The following CPNE4 variants were observed in gnomAD, a reference collection of about 807,000 sequenced individuals.
The protein encoded by CPNE4 is copine-4.
In CPNE4, 25 loss-of-function variants were observed where a neutral mutation model predicts 67.9. That is an observed-to-expected ratio of 0.37 (90% CI 0.27 to 0.51). The LOEUF (loss-of-function observed/expected upper bound fraction) is 0.51. Among genes scored for constraint, CPNE4 ranks in the 20% least tolerant of loss-of-function variants. The pLI is 0.93. For missense variants in CPNE4, 464 were observed against 690.8 expected (o/e 0.67, Z 3.68); for synonymous variants, 242 against 244.9 (o/e 0.99, Z 0.11).
intron 2 of CPNE4, among the ~76,000 whole-genome samples, chr3:131,730,370 GATAAA>G (rs1209421743): frequency 1.3e-5 from 2 of 152,098 alleles, no homozygotes; most frequent in Admixed American, 6.6e-5. Context: ...CTTTGCAAAT[GATAAA>G]ATAAAACTGT....
intron 7 of CPNE4, among the ~76,000 whole-genome samples, chr3:131,605,748 A>G (rs1039339706): frequency 3.3e-5 from 5 of 152,152 alleles, no homozygotes; most frequent in African/African-American, 7.2e-5. Context: ...ATAAGTCTCA[A>G]TATCTATGTA....
chr3:131,818,695 A>T (rs2084842126), intron 2 of CPNE4, among the ~76,000 whole-genome samples: 1 of 152,226 alleles, frequency 6.6e-6, no homozygotes, highest in Non-Finnish European at 1.5e-5. Flanking sequence ...TTTTGTTTAA[A>T]ACCTGATTGA....
chr3:131,693,284 C>A (rs1478593437), intron 5 of CPNE4, among the ~76,000 whole-genome samples: 1 of 151,984 alleles, frequency 6.6e-6, no homozygotes, highest in African/African-American at 2.4e-5. Context: ...TTGGGGATAC[C>A]AAAGAGCTTT....
intron 2 of CPNE4, among the ~76,000 whole-genome samples, chr3:131,807,270 G>A (rs530618215): frequency 7.9e-5 from 12 of 152,256 alleles, no homozygotes; most frequent in Admixed American, 3.3e-4. Flanking sequence ...AAAGTCACAC[G>A]TGCCTTTGTT....
At chr3:131,696,767 G>A in intron 4 of CPNE4, 151 bp from the exon 5 acceptor site, 1 of 659,480 alleles carries the variant, frequency 1.5e-6, no homozygotes. Context: ...CTACAGCACA[G>A]CAATTCTAGG....
intron 3 of CPNE4, among the ~76,000 whole-genome samples, chr3:131,701,668 T>A (rs906257347): frequency 3.9e-5 from 6 of 152,160 alleles, no homozygotes; most frequent in Admixed American, 3.9e-4. Flanking sequence ...TGGAAGAAGA[T>A]TCTCCTCTAA....
intron 15 of CPNE4, among the ~76,000 whole-genome samples, chr3:131,541,805 G>A (rs531195957): frequency 1.3e-5 from 2 of 151,862 alleles, no homozygotes; most frequent in Non-Finnish European, 2.9e-5. Flanking sequence ...CGAGTAGCTG[G>A]GATTACAGGC....
At chr3:131,654,591 C>T (rs746631036) in intron 7 of CPNE4, among the ~76,000 whole-genome samples, 3 of 152,170 alleles carry the variant, frequency 2.0e-5, no homozygotes, top group Non-Finnish European at 4.4e-5. Context: ...AGCATTCCTA[C>T]TTGTGCACTG....
chr3:131,584,118 G>A (rs1213925373), intron 8 of CPNE4, among the ~76,000 whole-genome samples: 1 of 152,132 alleles, frequency 6.6e-6, no homozygotes, highest in Non-Finnish European at 1.5e-5. Flanking sequence ...ACAGGAAAAG[G>A]AAAGTTGAAA....
intron 15 of CPNE4, among the ~76,000 whole-genome samples, chr3:131,536,531 T>G (rs1257403639): frequency 6.6e-6 from 1 of 152,240 alleles, no homozygotes; most frequent in African/African-American, 2.4e-5. Flanking sequence ...GGTTTTCAGT[T>G]TTTTCTTTTC....
At chr3:131,781,590 G>A (rs144699456) in intron 2 of CPNE4, among the ~76,000 whole-genome samples, 1 of 152,236 alleles carries the variant, frequency 6.6e-6, no homozygotes, top group Admixed American at 6.5e-5. Flanking sequence ...ATGTAGACGA[G>A]TTCAAACTCA....
chr3:131,769,006 T>C (rs1240798499), intron 2 of CPNE4, among the ~76,000 whole-genome samples: 1 of 152,184 alleles, frequency 6.6e-6, no homozygotes, highest in Non-Finnish European at 1.5e-5. Flanking sequence ...CACGAGGATG[T>C]GAAGTTACAA....
intron 2 of CPNE4, among the ~76,000 whole-genome samples, chr3:131,904,564 G>C (rs914748407): frequency 6.6e-6 from 1 of 151,926 alleles, no homozygotes; most frequent in African/African-American, 2.4e-5. Flanking sequence ...CCCTGTTTTG[G>C]GCTTGGTCAG....
intron 2 of CPNE4, among the ~76,000 whole-genome samples, chr3:131,866,935 T>C (rs902195902): frequency 1.3e-4 from 20 of 152,050 alleles, no homozygotes; most frequent in Non-Finnish European, 7.4e-5. Context: ...ATCAAAGTCA[T>C]CTTAAATTAA....
chr3:131,865,607 T>C (rs1466658209), intron 2 of CPNE4, among the ~76,000 whole-genome samples: 1 of 152,026 alleles, frequency 6.6e-6, no homozygotes, highest in African/African-American at 2.4e-5. Context: ...CTAAAGCTAC[T>C]TCTGAATATG....
At chr3:131,958,609 CTTTTTTTTTTTTTT>C (rs748126986) in intron 1 of CPNE4, among the ~76,000 whole-genome samples, 22 of 95,998 alleles carry the variant, frequency 2.3e-4, no homozygotes, top group African/African-American at 8.5e-4. Flanking sequence ...TCTTTCTTTT[CTTTTTTTTTTTTTT>C]TTTTTTTTTT....
At chr3:131,933,608 C>T (rs1459469315) in intron 1 of CPNE4, among the ~76,000 whole-genome samples, 2 of 151,872 alleles carry the variant, frequency 1.3e-5, no homozygotes, top group Non-Finnish European at 2.9e-5. Context: ...TAACAGTAGC[C>T]AAGCTATGAA....
chr3:131,956,268 T>G (rs562439042), intron 1 of CPNE4, among the ~76,000 whole-genome samples: 1 of 152,280 alleles, frequency 6.6e-6, no homozygotes, highest in African/African-American at 2.4e-5. Context: ...TTCTCTGAAA[T>G]ACATATAATT....
intron 2 of CPNE4, among the ~76,000 whole-genome samples, chr3:131,786,685 T>C (rs552250023): frequency 2.0e-5 from 3 of 152,166 alleles, no homozygotes; most frequent in Non-Finnish European, 4.4e-5. Context: ...CCAGTGTTTA[T>C]GACATTGGGC....
Sources: allele counts gnomAD v4.1 joint callset (sites outside exome capture counted in the v4.1 genomes callset), GRCh38; gene constraint gnomAD v4.1.1; transcripts MANE v1.5; gene names NCBI Gene and HGNC (gene_info 2026-07-23, HGNC 2026-07-21).